The following GABRG3 variants were observed in gnomAD, a reference collection of about 807,000 sequenced individuals.
GABRG3 encodes the protein gamma-aminobutyric acid type A receptor subunit gamma3, also known as gamma-aminobutyric acid receptor subunit gamma-3.
GABRG3 carries 25 observed loss-of-function variants against 48.8 expected under a neutral mutation model. The observed-to-expected ratio is 0.51, with a 90% CI of 0.37 to 0.72. The LOEUF is 0.72. Ranked by LOEUF, GABRG3 falls within the 30% of genes least tolerant of loss-of-function variation. The pLI is 0.00. For missense variants in GABRG3, 394 were observed against 577.9 expected, an observed-to-expected ratio of 0.68 and a Z score of 3.26; for synonymous variants, 227 against 217.6, an observed-to-expected ratio of 1.04 and a Z score of -0.38.
At chr15:27,501,143 G>C (rs1436759702) in intron 6 of GABRG3, among the ~76,000 whole-genome samples, 1 of 152,002 alleles carries the variant, frequency 6.6e-6, no homozygotes, top group Non-Finnish European at 1.5e-5. Context: ...AGTAGAGACA[G>C]GGTTTCACCG....
chr15:27,272,177 T>TC (rs1245560847), intron 3 of GABRG3, among the ~76,000 whole-genome samples: 2 of 152,244 alleles, frequency 1.3e-5, no homozygotes, highest in Admixed American at 6.5e-5. Flanking sequence ...CTGTATTCAT[T>TC]CCCCGTGGGT....
chr15:26,971,774 T>C (rs908740468), intron 1 of GABRG3, among the ~76,000 whole-genome samples, 186 bp downstream of exon 1: 5 of 152,122 alleles, frequency 3.3e-5, no homozygotes, highest in African/African-American at 4.8e-5. Context: ...GGTCATCTGC[T>C]TTTTCCTCTG....
chr15:27,324,334 G>T (rs957430238), intron 3 of GABRG3, among the ~76,000 whole-genome samples: 2 of 152,166 alleles, frequency 1.3e-5, no homozygotes, highest in African/African-American at 2.4e-5. Flanking sequence ...CACGTGCAGT[G>T]TATGTACTAA....
chr15:27,094,982 A>G, intron 3 of GABRG3, among the ~76,000 whole-genome samples: 1 of 152,104 alleles, frequency 6.6e-6, no homozygotes, highest in East Asian at 1.9e-4. Flanking sequence ...TGTCTATACC[A>G]TAGTTTCTTT....
At chr15:27,341,719 T>G (rs1894185431) in intron 5 of GABRG3, among the ~76,000 whole-genome samples, 1 of 152,176 alleles carries the variant, frequency 6.6e-6, no homozygotes, top group Non-Finnish European at 1.5e-5. Context: ...AGAAAGGGGC[T>G]CACGGCTATT....
In GABRG3 at chr15:27,299,767, G is replaced by A. The variant is rs550571799; in HGVS notation, c.271-27042G>A. ...ACTGCATGCTGGCTTTTCTCTCTGC[G>A]TCTTTCCTCACTTGAGAAAGGATAT... is the stretch of plus-strand genomic sequence containing the variant. On this transcript the variant is annotated intron_variant, in intron 3 of 9. Coordinates refer to ENST00000615808, the MANE Select transcript of GABRG3 (RefSeq NM_033223.5). 5.7e-4 allele frequency among the ~76,000 whole-genome samples: 87 copies of A among 152,214 alleles called. 1 individual carries two copies. In the Middle Eastern group the frequency reaches 0.01, roughly 18 times the overall value.
chr15:27,024,203 A>T (rs996700833), intron 2 of GABRG3, among the ~76,000 whole-genome samples: 2 of 152,088 alleles, frequency 1.3e-5, no homozygotes, highest in African/African-American at 4.8e-5. Context: ...TGTATTCTGG[A>T]TATTAACCAC....
intron 3 of GABRG3, among the ~76,000 whole-genome samples, chr15:27,250,736 A>G (rs763233022): frequency 6.6e-6 from 1 of 152,220 alleles, no homozygotes; most frequent in Non-Finnish European, 1.5e-5. Context: ...CTCAGGAAGC[A>G]CTACTTTAGA....
intron 3 of GABRG3, among the ~76,000 whole-genome samples, chr15:27,310,701 A>G (rs950207226): frequency 2.0e-5 from 3 of 152,180 alleles, no homozygotes; most frequent in African/African-American, 7.2e-5. Context: ...AGAAGTTTGA[A>G]GAACTTGCTT....
intron 6 of GABRG3, among the ~76,000 whole-genome samples, chr15:27,500,671 C>T (rs1246687849): frequency 6.6e-6 from 1 of 152,140 alleles, no homozygotes; most frequent in Admixed American, 6.5e-5. Flanking sequence ...TGTATCCAGC[C>T]TACTCCATGT....
chr15:27,494,392 G>A (rs140641882), intron 6 of GABRG3, among the ~76,000 whole-genome samples: 208 of 152,080 alleles, frequency 1.4e-3, no homozygotes, highest in African/African-American at 4.7e-3. Flanking sequence ...CCTCTCATAC[G>A]TCCTGGAAGA....
At chr15:27,208,472 C>G (rs1888950592) in intron 3 of GABRG3, 1 of 181,872 alleles carries the variant, frequency 5.5e-6, no homozygotes, top group Non-Finnish European at 1.2e-5. Context: ...ATGAATACTG[C>G]CTAGTTTCTG....
At chr15:27,286,916 G>T (rs1308690671) in intron 3 of GABRG3, among the ~76,000 whole-genome samples, 2 of 152,094 alleles carry the variant, frequency 1.3e-5, no homozygotes, top group Non-Finnish European at 2.9e-5. Context: ...CCACAGTGTC[G>T]GTCTAGAACT....
At chr15:27,428,977 C>G (rs1301730642) in intron 5 of GABRG3, among the ~76,000 whole-genome samples, 2 of 152,134 alleles carry the variant, frequency 1.3e-5, no homozygotes, top group African/African-American at 4.8e-5. Context: ...AAGCCAAATT[C>G]TTTGCCATGT....
At chr15:27,292,538 A>G (rs1891830331) in intron 3 of GABRG3, among the ~76,000 whole-genome samples, 1 of 152,212 alleles carries the variant, frequency 6.6e-6, no homozygotes, top group African/African-American at 2.4e-5. Flanking sequence ...GTATAACCAC[A>G]TATTATGTAC....
intron 5 of GABRG3, among the ~76,000 whole-genome samples, chr15:27,411,637 C>T (rs1887801632): frequency 6.6e-6 from 1 of 152,118 alleles, no homozygotes; most frequent in Non-Finnish European, 1.5e-5. Context: ...GGGGGATTTT[C>T]AAAGGCTTTT....
intron 3 of GABRG3, among the ~76,000 whole-genome samples, chr15:27,062,573 A>G (rs1383068248): frequency 6.6e-6 from 1 of 152,032 alleles, no homozygotes; most frequent in East Asian, 1.9e-4. Flanking sequence ...CTGCCATTAC[A>G]CTGCAGCCTG....
At position 27,007,078 on chromosome 15, in the gene GABRG3, C is replaced by CT. The variant is rs746753196; in HGVS notation, c.203-19664dup. Among the ~76,000 whole-genome samples, 860 of 141,554 alleles carry CT rather than the reference C, an allele frequency of 6.1e-3. 3 individuals are homozygous for CT. Among genetic ancestry groups the CT allele is most frequent in the Non-Finnish European group, 8.5e-3 (547 of 64,558 alleles). The allele number at this position is 141,554 out of a possible 152,430, so 92.9% of individuals were successfully genotyped here. Reference sequence around the variant, plus strand: ...GCAATGAACATACATGTGCATGTGTCTTTTTTTTTTTTGTTTTTTGAGACA... The same window carrying CT: ...GCAATGAACATACATGTGCATGTGTCTTTTTTTTTTTTTGTTTTTTGAGACA... On this transcript the variant is annotated intron_variant, in intron 2 of 9. Coordinates refer to ENST00000615808, the MANE Select transcript of GABRG3 (RefSeq NM_033223.5).
chr15:27,196,039 C>T (rs1294409347), intron 3 of GABRG3, among the ~76,000 whole-genome samples: 1 of 152,184 alleles, frequency 6.6e-6, no homozygotes. Flanking sequence ...GGCATCTTCC[C>T]TTGGAGGTGT....
Sources: allele counts gnomAD v4.1 joint callset (sites outside exome capture counted in the v4.1 genomes callset), GRCh38; gene constraint gnomAD v4.1.1; transcripts MANE v1.5; gene names NCBI Gene and HGNC (gene_info 2026-07-23, HGNC 2026-07-21).